CNTLN: variants seen among roughly 807,000 people sequenced by gnomAD.
CNTLN encodes the protein centlein, centrosomal protein.
Under a neutral mutation model 180.0 loss-of-function variants are expected in CNTLN, and 212 were observed. The ratio of observed to expected loss-of-function variants is 1.18; its 90% CI spans 1.05 to 1.32. The LOEUF is 1.32. Ranked by LOEUF, CNTLN falls within the 40% of genes most tolerant of loss-of-function variation. The pLI is 0.00. For missense variants in CNTLN, 2,095 were observed against 1,610.9 expected, an observed-to-expected ratio of 1.30 and a Z score of -5.14; for synonymous variants, 722 against 563.1, an observed-to-expected ratio of 1.28 and a Z score of -3.99.
chr9:17,521,883 T>C, the CNTLN span, among the ~76,000 whole-genome samples: 2 of 152,230 alleles, frequency 1.3e-5, no homozygotes, highest in African/African-American at 2.4e-5. Context: ...TGCTGATTTA[T>C]TTATAGCTAT....
intron 2 of CNTLN, chr9:17,167,282 G>T (rs1265360132): frequency 6.5e-6 from 1 of 154,582 alleles, no homozygotes; most frequent in African/African-American, 2.4e-5. Context: ...AGTTTCTTGA[G>T]AGTTCCTACT....
chr9:17,265,317 A>G (rs1249506094), intron 5 of CNTLN, among the ~76,000 whole-genome samples: 3 of 151,916 alleles, frequency 2.0e-5, no homozygotes, highest in Non-Finnish European at 2.9e-5. Flanking sequence ...TTTTGTCTTT[A>G]GTTCTGTTTA....
intron 18 of CNTLN, among the ~76,000 whole-genome samples, chr9:17,442,979 C>A (rs554980071): frequency 6.6e-6 from 1 of 151,718 alleles, no homozygotes; most frequent in East Asian, 1.9e-4. Context: ...TAGCAGGGAA[C>A]TTTCTTATTC....
intron 25 of CNTLN, among the ~76,000 whole-genome samples, chr9:17,490,815 A>G (rs1372665850): frequency 6.6e-6 from 1 of 152,170 alleles, no homozygotes; most frequent in Non-Finnish European, 1.5e-5. Flanking sequence ...AGTAAATTTA[A>G]TAAATTGCTT....
chr9:17,227,511 G>T (rs984131065), intron 3 of CNTLN, among the ~76,000 whole-genome samples: 1 of 151,898 alleles, frequency 6.6e-6, no homozygotes, highest in African/African-American at 2.4e-5. Flanking sequence ...GCTCATTACG[G>T]AGTAAATAAA....
At chr9:17,511,375 A>C in the CNTLN span, among the ~76,000 whole-genome samples, 2 of 152,096 alleles carry the variant, frequency 1.3e-5, no homozygotes, top group South Asian at 2.1e-4. Flanking sequence ...GGCTTAAAAC[A>C]ACATTTATTT....
rs78304557 is a variant in CNTLN, at chr9:17,238,525, G to A, written c.849+1937G>A. Among the ~76,000 whole-genome samples the A allele has an allele frequency of 0.019, 2,834 of 152,218 alleles. 177 individuals carry two copies. The East Asian group carries it at 0.25, about 13-fold the overall frequency. On this transcript the variant is annotated intron_variant, in intron 5 of 25. Coordinates refer to ENST00000380647, the MANE Select transcript of CNTLN (RefSeq NM_017738.4). ...GTTCTGTCTTGTACCTAGAGTCCAAGAAGAATCTCAACAAACAGGCCTTTC... is the reference window on the plus strand; with the variant it reads ...GTTCTGTCTTGTACCTAGAGTCCAAAAAGAATCTCAACAAACAGGCCTTTC...
chr9:17,188,845 A>G (rs1237281912), intron 2 of CNTLN, among the ~76,000 whole-genome samples: 2 of 151,942 alleles, frequency 1.3e-5, no homozygotes, highest in Non-Finnish European at 2.9e-5. Context: ...AGGTTTTTGA[A>G]TTGCTTAATT....
chr9:17,295,991 AGAGAGAGTGTGTGTGTGTGT>A (rs1260909470), intron 6 of CNTLN, among the ~76,000 whole-genome samples: 10 of 76,672 alleles, frequency 1.3e-4, no homozygotes, highest in African/African-American at 8.7e-4. Context: ...AGAGAGAGAG[AGAGAGAGTGTGTGTGTGTGT>A]GTGTGTGTGT....
chr9:17,275,611 CA>C (rs1828259377), intron 6 of CNTLN, among the ~76,000 whole-genome samples: 1 of 152,052 alleles, frequency 6.6e-6, no homozygotes, highest in South Asian at 2.1e-4. Context: ...GCTATTAGAA[CA>C]AACATGGTGT....
At chr9:17,207,427 G>C (rs570071760) in intron 2 of CNTLN, among the ~76,000 whole-genome samples, 3 of 152,080 alleles carry the variant, frequency 2.0e-5, no homozygotes, top group Admixed American at 2.0e-4. Flanking sequence ...CAGCTAGCTC[G>C]GTGTCTGCCC....
intron 2 of CNTLN, among the ~76,000 whole-genome samples, chr9:17,215,873 G>A (rs1241166707): frequency 6.6e-6 from 1 of 152,132 alleles, no homozygotes; most frequent in East Asian, 1.9e-4. Flanking sequence ...ATAATCTCCT[G>A]GTGTGCCGTA....
chr9:17,518,806 G>A, the CNTLN span, among the ~76,000 whole-genome samples: 148,446 of 152,272 alleles, frequency 0.97, 72,379 homozygotes, highest in Middle Eastern at 1. Flanking sequence ...AACACAGGGT[G>A]TGATGGAGCC....
chr9:17,144,853 G>C (rs1479208149), intron 2 of CNTLN, among the ~76,000 whole-genome samples: 1 of 131,096 alleles, frequency 7.6e-6, no homozygotes, highest in African/African-American at 2.8e-5. Context: ...TTTTTTTTTT[G>C]AGACGGAGTC....
intron 25 of CNTLN, among the ~76,000 whole-genome samples, chr9:17,488,971 G>A (rs930203448): frequency 6.6e-6 from 1 of 152,174 alleles, no homozygotes; most frequent in Admixed American, 6.5e-5. Context: ...GTGACAGTAT[G>A]ATAACATTTA....
intron 12 of CNTLN, among the ~76,000 whole-genome samples, chr9:17,358,781 G>A (rs573526768): frequency 1.6e-4 from 25 of 152,228 alleles, no homozygotes; most frequent in African/African-American, 5.3e-4. Flanking sequence ...AGCATTGTTT[G>A]TAATTATGGA....
intron 25 of CNTLN, among the ~76,000 whole-genome samples, chr9:17,492,981 C>T (rs992330951): frequency 6.6e-6 from 1 of 152,074 alleles, no homozygotes; most frequent in East Asian, 1.9e-4. Context: ...ATAAGTCAAA[C>T]ACAAAAGGAC....
intron 12 of CNTLN, among the ~76,000 whole-genome samples, chr9:17,343,327 C>G (rs905078851): frequency 6.6e-6 from 1 of 152,102 alleles, no homozygotes; most frequent in Admixed American, 6.6e-5. Flanking sequence ...TTTTTAAAGC[C>G]TAGATGTCTT....
At chr9:17,213,800 C>G (rs935755018) in intron 2 of CNTLN, among the ~76,000 whole-genome samples, 8 of 152,102 alleles carry the variant, frequency 5.3e-5, no homozygotes, top group African/African-American at 1.9e-4. Flanking sequence ...GATCCCTTTA[C>G]CATTATGTAG....
Sources: gnomAD v4.1 joint callset for allele counts (sites outside exome capture counted in the v4.1 genomes callset) on GRCh38, gnomAD v4.1.1 for gene constraint, MANE v1.5 for transcripts, NCBI Gene and HGNC (gene_info 2026-07-23, HGNC 2026-07-21) for gene names.